Variants in NUCKS1 observed in about 807,000 individuals in gnomAD.
The protein encoded by NUCKS1 is nuclear casein kinase and cyclin dependent kinase substrate 1, also known as nuclear ubiquitous casein and cyclin-dependent kinase substrate 1.
In NUCKS1, 2 loss-of-function variants were observed where a neutral mutation model predicts 33.0. The observed-to-expected ratio is 0.06, with a 90% CI of 0.02 to 0.19. The LOEUF (loss-of-function observed/expected upper bound fraction) is 0.19. Among genes scored for constraint, NUCKS1 ranks in the 10% least tolerant of loss-of-function variants. NUCKS1 has a pLI of 1.00. For synonymous variants in NUCKS1, 106 were observed against 102.8 expected, an observed-to-expected ratio of 1.03 and a Z score of -0.19; for missense variants, 201 against 293.6, an observed-to-expected ratio of 0.68 and a Z score of 2.31.
At chr1:205,737,155 T>G (rs1016471175) in intron 1 of NUCKS1, among the ~76,000 whole-genome samples, 1 of 152,142 alleles carries the variant, frequency 6.6e-6, no homozygotes, top group African/African-American at 2.4e-5. Flanking sequence ...TATAAAAAGA[T>G]GGGGAATGGG....
intron 1 of NUCKS1, among the ~76,000 whole-genome samples, chr1:205,747,135 TGATC>T (rs1176382208): frequency 6.6e-6 from 1 of 152,180 alleles, no homozygotes; most frequent in Non-Finnish European, 1.5e-5. Context: ...ACATTAATAT[TGATC>T]GGGCAGAAGG....
chr1:205,741,686 A>G (rs1203051349), intron 1 of NUCKS1, among the ~76,000 whole-genome samples: 6 of 152,268 alleles, frequency 3.9e-5, no homozygotes, highest in African/African-American at 1.4e-4. Context: ...GGAGAAGGGT[A>G]GAACTAAGAT....
At position 205,732,779 on chromosome 1, in the gene NUCKS1, C is replaced by CAAAAA. The variant is rs59760552; in HGVS notation, c.18-3163_18-3159dup. Among the ~76,000 whole-genome samples, 42 of 74,006 alleles carry CAAAAA rather than the reference C, an allele frequency of 5.7e-4. 3 individuals are homozygous for CAAAAA. The highest frequency in any genetic ancestry group is 9.9e-4 in the Non-Finnish European group (39 of 39,216). The allele number at this position is 74,006 out of a possible 152,430, so 48.6% of individuals were successfully genotyped here. Reference sequence around the variant, plus strand: ...CTGGCAACAGAGCAAGACTCTGTCTCAAAAAAAAAAAAAAAAGTTAAGATG... The same window carrying CAAAAA: ...CTGGCAACAGAGCAAGACTCTGTCTCAAAAAAAAAAAAAAAAAAAAAGTTAAGATG... On this transcript the variant is annotated intron_variant, in intron 1 of 6. Transcript: ENST00000367142.
intron 4 of NUCKS1, among the ~76,000 whole-genome samples, chr1:205,723,352 T>G (rs755218296): frequency 2.0e-5 from 3 of 152,116 alleles, no homozygotes; most frequent in Admixed American, 6.6e-5. Flanking sequence ...CAACAACAAG[T>G]AGAATCATCA....
In NUCKS1 at chr1:205,713,347, G is replaced by A. The variant is rs1450575562; in HGVS notation, c.*4933C>T. 2 of 151,972 alleles carry A rather than the reference G, an allele frequency of 1.3e-5. No homozygotes were observed. The highest frequency in any genetic ancestry group is 2.9e-5 in the Non-Finnish European group (2 of 68,006). The allele number at this position is 151,972 out of a possible 1,614,324, so 9.4% of individuals were successfully genotyped here. On this transcript the variant is annotated 3_prime_UTR_variant, in exon 7 of 7. Coordinates refer to ENST00000367142, the MANE Select transcript of NUCKS1 (RefSeq NM_022731.5). ...CAATGCCAACATGCTCAACAATAAA[G>A]GCTTCTTTTTCTTATTTTTTTAATA...
At chr1:205,744,180 C>G (rs974651973) in intron 1 of NUCKS1, among the ~76,000 whole-genome samples, 2 of 152,132 alleles carry the variant, frequency 1.3e-5, no homozygotes, top group African/African-American at 4.8e-5. Context: ...GTGCTAACAC[C>G]GTGACAAAGT....
At chr1:205,718,916 C>G (rs1671874652) in intron 6 of NUCKS1, among the ~76,000 whole-genome samples, 1 of 152,162 alleles carries the variant, frequency 6.6e-6, no homozygotes, top group South Asian at 2.1e-4. Context: ...TCCATCATTC[C>G]TAACAGTAGG....
intron 3 of NUCKS1, 39 bp from the exon 4 acceptor site, chr1:205,724,020 TAGCTCAAAA>T: frequency 7.0e-7 from 1 of 1,437,532 alleles, no homozygotes; most frequent in Non-Finnish European, 9.8e-7. Flanking sequence ...ATAAAAGTCT[TAGCTCAAAA>T]TCTAAGTGAA....
At chr1:205,742,555 T>C (rs1029726842) in intron 1 of NUCKS1, among the ~76,000 whole-genome samples, 1 of 152,236 alleles carries the variant, frequency 6.6e-6, no homozygotes, top group African/African-American at 2.4e-5. Context: ...CCGGACGCTG[T>C]GGCTCACGCC....
chr1:205,723,794 T>G (rs1354922892), intron 4 of NUCKS1, 132 bp downstream of exon 4: 56 of 625,068 alleles, frequency 9.0e-5, no homozygotes, highest in Non-Finnish European at 1.4e-4. Flanking sequence ...CATTAGGAGC[T>G]CTTTGAAGAT....
intron 6 of NUCKS1, among the ~76,000 whole-genome samples, chr1:205,718,745 A>T (rs823092): frequency 0.87 from 132,886 of 152,216 alleles, 58,743 homozygotes; most frequent in Non-Finnish European, 0.95. Flanking sequence ...ATACCTGTAA[A>T]GAAGAAGCAC....
intron 3 of NUCKS1, among the ~76,000 whole-genome samples, chr1:205,724,994 A>C (rs16856217): frequency 1.3e-5 from 2 of 152,222 alleles, no homozygotes; most frequent in African/African-American, 4.8e-5. Context: ...TTATGTCTTC[A>C]TAAGTCTTAA....
chr1:205,720,313 C>T (rs1407770113), intron 5 of NUCKS1, among the ~76,000 whole-genome samples, 188 bp downstream of exon 5: 2 of 152,138 alleles, frequency 1.3e-5, no homozygotes, highest in Non-Finnish European at 2.9e-5. Context: ...GGTGGGCAAT[C>T]GTGAGAATCT....
At chr1:205,738,542 C>T (rs763018288) in intron 1 of NUCKS1, among the ~76,000 whole-genome samples, 4 of 151,374 alleles carry the variant, frequency 2.6e-5, no homozygotes, top group East Asian at 1.9e-4. Context: ...GGAATCACTA[C>T]GACTGGCCCA....
At chr1:205,741,205 CAGG>C (rs71755343) in intron 1 of NUCKS1, among the ~76,000 whole-genome samples, 47,803 of 145,902 alleles carry the variant, frequency 0.33, 8,865 homozygotes, top group Non-Finnish European at 0.42. Flanking sequence ...GAGGCTGAGG[CAGG>C]AGAATGGCGT....
At chr1:205,733,632 TAAATA>T (rs899204905) in intron 1 of NUCKS1, among the ~76,000 whole-genome samples, 14 of 151,386 alleles carry the variant, frequency 9.2e-5, no homozygotes, top group African/African-American at 1.9e-4. Context: ...AATTAAATAA[TAAATA>T]AAATATTTAA....
chr1:205,735,631 G>C (rs1473269495), intron 1 of NUCKS1, among the ~76,000 whole-genome samples: 2 of 152,148 alleles, frequency 1.3e-5, no homozygotes, highest in Non-Finnish European at 2.9e-5. Flanking sequence ...TCCCCTGACT[G>C]AACTTCAGTC....
chr1:205,739,191 C>A (rs548287727), intron 1 of NUCKS1, among the ~76,000 whole-genome samples: 4 of 152,188 alleles, frequency 2.6e-5, no homozygotes, highest in Non-Finnish European at 4.4e-5. Context: ...GTGGTAAAAA[C>A]CATTTTCCAA....
chr1:205,727,994 T>C (rs927643552), intron 2 of NUCKS1, among the ~76,000 whole-genome samples, 189 bp from the exon 3 acceptor site: 12 of 152,174 alleles, frequency 7.9e-5, no homozygotes, highest in Non-Finnish European at 1.5e-5. Flanking sequence ...ACTTCGTTTT[T>C]GCATATTACC....
Sources: allele counts gnomAD v4.1 joint callset (sites outside exome capture counted in the v4.1 genomes callset), GRCh38; gene constraint gnomAD v4.1.1; transcripts MANE v1.5; gene names NCBI Gene and HGNC (gene_info 2026-07-23, HGNC 2026-07-21).